GLP2R: variants seen among roughly 807,000 people sequenced by gnomAD.
The protein encoded by GLP2R is glucagon-like peptide 2 receptor.
GLP2R carries 59 observed loss-of-function variants against 68.2 expected under a neutral mutation model. The observed-to-expected ratio is 0.87, with a 90% CI of 0.70 to 1.07. The LOEUF is 1.07. Ranked by LOEUF, GLP2R falls within the 50% of genes least tolerant of loss-of-function variation. The pLI is 0.00. For missense variants in GLP2R, 548 were observed against 677.4 expected (o/e 0.81, Z 2.12); for synonymous variants, 270 against 265.4 (o/e 1.02, Z -0.17).
At chr17:9,827,151 G>A (rs1051244852) in intron 1 of GLP2R, among the ~76,000 whole-genome samples, 2 of 151,796 alleles carry the variant, frequency 1.3e-5, no homozygotes, top group African/African-American at 4.9e-5. Flanking sequence ...TTATAGGCAT[G>A]AGCCACTGTA....
intron 10 of GLP2R, among the ~76,000 whole-genome samples, chr17:9,877,118 G>A (rs1172288714): frequency 6.6e-6 from 1 of 152,204 alleles, no homozygotes; most frequent in Non-Finnish European, 1.5e-5. Flanking sequence ...GTGTCCTGCT[G>A]CCTTTGACTA....
chr17:9,853,189 G>T, intron 4 of GLP2R: 2 of 393,460 alleles, frequency 5.1e-6, no homozygotes, highest in Non-Finnish European at 9.4e-6. Flanking sequence ...AAGATAAGTG[G>T]TGTTCCTTTT....
rs2152048080 is a variant in GLP2R at position 9,880,367 on chromosome 17, G to T, written c.1146-11G>T. 1.3e-6 allele frequency: 2 copies of T among 1,572,854 alleles called. No homozygotes were observed. The highest frequency in any genetic ancestry group is 1.7e-6 in the Non-Finnish European group (2 of 1,151,044). On this transcript the variant is annotated splice_polypyrimidine_tract_variant and intron_variant, in intron 10 of 12. Coordinates refer to ENST00000262441, the MANE Select transcript of GLP2R (RefSeq NM_004246.3). ...TGGCCCTCTTGACTGTTATTTGGTT[G>T]TCATTTACAGATTGGCAAAATCAAC...
chr17:9,892,009 A>G lies in GLP2R; in HGVS notation c.*2304A>G, dbSNP rs977495258. On this transcript the variant is annotated 3_prime_UTR_variant, in exon 13 of 13. Coordinates refer to ENST00000262441, the MANE Select transcript of GLP2R (RefSeq NM_004246.3). ...GAAACTTTTTTTCAAAGCATTTATA[A>G]ATACTCCCTCCACCCCTCACTCCAC... 1 of 152,118 alleles carries G rather than the reference A, an allele frequency of 6.6e-6. No individual in the cohort carries two copies. Among genetic ancestry groups the G allele is most frequent in the Non-Finnish European group, 1.5e-5 (1 of 68,026 alleles). The allele number at this position is 152,118 out of a possible 1,614,324, so 9.4% of individuals were successfully genotyped here. A position where few individuals can be genotyped will look rare whatever the true frequency, so the allele number is the denominator to read the frequency against.
At chr17:9,886,035 C>T (rs1402657) in intron 11 of GLP2R, among the ~76,000 whole-genome samples, 65,146 of 151,998 alleles carry the variant, frequency 0.43, 14,286 homozygotes, top group African/African-American at 0.46. Context: ...CTCCCACCTT[C>T]GGAATACTCC....
chr17:9,875,205 C>T (rs544115529), intron 10 of GLP2R, among the ~76,000 whole-genome samples: 2 of 152,248 alleles, frequency 1.3e-5, no homozygotes, highest in Non-Finnish European at 2.9e-5. Flanking sequence ...CGCTAATTCT[C>T]TCACTTTCAA....
chr17:9,875,707 C>T (rs1169548509), intron 10 of GLP2R, among the ~76,000 whole-genome samples: 1 of 152,030 alleles, frequency 6.6e-6, no homozygotes, highest in Non-Finnish European at 1.5e-5. Flanking sequence ...TAAGCAATGC[C>T]CTAGGAATGC....
At chr17:9,826,674 C>T (rs2066634961) in intron 1 of GLP2R, among the ~76,000 whole-genome samples, 1 of 152,096 alleles carries the variant, frequency 6.6e-6, no homozygotes, top group African/African-American at 2.4e-5. Flanking sequence ...CTTTCCTTTC[C>T]TTTCCCTTCT....
chr17:9,851,761 A>C (rs996475734), intron 4 of GLP2R, among the ~76,000 whole-genome samples: 1 of 152,224 alleles, frequency 6.6e-6, no homozygotes, highest in Non-Finnish European at 1.5e-5. Flanking sequence ...GAAATAGTAC[A>C]TATAAAGGTA....
At chr17:9,843,154 G>A (rs1033226035) in intron 4 of GLP2R, among the ~76,000 whole-genome samples, 1 of 152,124 alleles carries the variant, frequency 6.6e-6, no homozygotes, top group Non-Finnish European at 1.5e-5. Context: ...TGTGTGCCTC[G>A]AGGGAGTGGC....
chr17:9,887,563 C>A (rs1360118794), intron 11 of GLP2R, among the ~76,000 whole-genome samples: 2 of 151,948 alleles, frequency 1.3e-5, no homozygotes, highest in East Asian at 3.9e-4. Context: ...TAGCCAGTGC[C>A]CACTATGACC....
chr17:9,841,063 C>T (rs2066781936), intron 3 of GLP2R, among the ~76,000 whole-genome samples: 1 of 148,868 alleles, frequency 6.7e-6, no homozygotes, highest in Non-Finnish European at 1.5e-5. Flanking sequence ...GTCACCCAGG[C>T]TAGAATGCAA....
At chr17:9,885,837 A>G (rs2067239796) in intron 11 of GLP2R, among the ~76,000 whole-genome samples, 1 of 152,100 alleles carries the variant, frequency 6.6e-6, no homozygotes, top group Non-Finnish European at 1.5e-5. Context: ...CAGAAAGTAG[A>G]GGAACCATCA....
At chr17:9,839,842 G>A (rs1166936170) in intron 3 of GLP2R, among the ~76,000 whole-genome samples, 18 of 152,110 alleles carry the variant, frequency 1.2e-4, no homozygotes, top group Middle Eastern at 3.2e-3. Context: ...CTGCCCAGGA[G>A]GCCTCCTCAC....
At chr17:9,873,556 CTTTTTTTT>C (rs3073988) in intron 10 of GLP2R, among the ~76,000 whole-genome samples, 2 of 52,076 alleles carry the variant, frequency 3.8e-5, no homozygotes, top group Non-Finnish European at 6.8e-5. Flanking sequence ...TATGCATGGA[CTTTTTTTT>C]TTTTTTTTTT....
rs2152040454 is a variant in GLP2R, at chr17:9,862,106, T to C, written c.1056+16T>C. ...CTGTGTAACAGTAAGGACCATCCCA[T>C]CCACCTCTTTGTCTCGGAGCCTAGC... On this transcript the variant is annotated intron_variant, in intron 9 of 12. Transcript: ENST00000262441. 1.3e-6 allele frequency: 2 copies of C among 1,590,012 alleles called. No homozygotes were observed. The highest frequency in any genetic ancestry group is 1.7e-6 in the Non-Finnish European group (2 of 1,158,308).
chr17:9,847,548 G>A (rs2066852345), intron 4 of GLP2R, among the ~76,000 whole-genome samples: 1 of 152,156 alleles, frequency 6.6e-6, no homozygotes, highest in South Asian at 2.1e-4. Flanking sequence ...GATTACAGGT[G>A]TGAGCCACCG....
chr17:9,878,376 C>A (rs2067160209), intron 10 of GLP2R, among the ~76,000 whole-genome samples: 1 of 152,202 alleles, frequency 6.6e-6, no homozygotes, highest in African/African-American at 2.4e-5. Context: ...AAGTTGTCTG[C>A]AGGTCAGTTA....
intron 8 of GLP2R, 36 bp downstream of exon 8, chr17:9,861,235 C>T (rs753435410): frequency 1.3e-5 from 18 of 1,355,754 alleles, no homozygotes; most frequent in Admixed American, 8.5e-5. Flanking sequence ...TTTCACGAGC[C>T]GGTAATTCCC....
Sources: allele counts gnomAD v4.1 joint callset (sites outside exome capture counted in the v4.1 genomes callset), GRCh38; gene constraint gnomAD v4.1.1; transcripts MANE v1.5; gene names NCBI Gene and HGNC (gene_info 2026-07-23, HGNC 2026-07-21).